PTPRM: variants seen among roughly 807,000 people sequenced by gnomAD.
The protein encoded by PTPRM is protein tyrosine phosphatase receptor type M, also known as receptor-type tyrosine-protein phosphatase mu.
A neutral mutation model predicts 186.7 loss-of-function variants in PTPRM; 47 were observed. The observed-to-expected ratio is 0.25, with a 90% confidence interval of 0.20 to 0.32. The LOEUF (loss-of-function observed/expected upper bound fraction) is 0.32, where lower values mean the gene tolerates loss of function less well. Among genes scored for constraint, PTPRM ranks in the 10% least tolerant of loss-of-function variants. The probability of loss-of-function intolerance (pLI) is 1.00; values close to 1 mark genes in which losing one functional copy is unlikely to be tolerated. For missense variants in PTPRM, 1,494 were observed against 1,865.0 expected (o/e 0.80, Z 3.66); for synonymous variants, 668 against 674.9 (o/e 0.99, Z 0.16).
chr18:8,000,933 G>A (rs1383784525), intron 7 of PTPRM, among the ~76,000 whole-genome samples: 1 of 152,194 alleles, frequency 6.6e-6, no homozygotes, highest in Non-Finnish European at 1.5e-5. Flanking sequence ...CATAGCAAAT[G>A]ACTTCCTGGC....
At chr18:7,627,648 G>A (rs1235063225) in intron 1 of PTPRM, among the ~76,000 whole-genome samples, 1 of 152,228 alleles carries the variant, frequency 6.6e-6, no homozygotes, top group African/African-American at 2.4e-5. Flanking sequence ...AAGGGAATGT[G>A]AAGATGAGAA....
At chr18:8,312,325 A>G (rs2095275361) in intron 20 of PTPRM, among the ~76,000 whole-genome samples, 1 of 152,132 alleles carries the variant, frequency 6.6e-6, no homozygotes, top group Non-Finnish European at 1.5e-5. Context: ...AGTGGAAAAC[A>G]TATACAGGGA....
chr18:8,090,702 T>C (rs562720560), intron 11 of PTPRM, among the ~76,000 whole-genome samples: 10 of 152,240 alleles, frequency 6.6e-5, no homozygotes, highest in Admixed American at 1.3e-4. Context: ...TTCAAGCGAT[T>C]TCTTCTATCT....
intron 1 of PTPRM, among the ~76,000 whole-genome samples, chr18:7,574,181 G>C (rs1337223185): frequency 6.6e-6 from 1 of 152,162 alleles, no homozygotes; most frequent in African/African-American, 2.4e-5. Context: ...TTAGCCTCTT[G>C]ATTAATACGG....
At chr18:7,618,743 G>A (rs974050061) in intron 1 of PTPRM, among the ~76,000 whole-genome samples, 7 of 152,166 alleles carry the variant, frequency 4.6e-5, no homozygotes, top group Admixed American at 3.3e-4. Context: ...TACAAAATAC[G>A]GTTCCTGGCT....
chr18:8,074,384 T>C (rs1196243316), intron 8 of PTPRM, among the ~76,000 whole-genome samples: 1 of 152,246 alleles, frequency 6.6e-6, no homozygotes, highest in Non-Finnish European at 1.5e-5. Context: ...AGTTTTTGAA[T>C]TAACATTTTT....
At chr18:7,799,446 C>T (rs2043839373) in intron 2 of PTPRM, among the ~76,000 whole-genome samples, 1 of 152,140 alleles carries the variant, frequency 6.6e-6, no homozygotes, top group African/African-American at 2.4e-5. Flanking sequence ...TTAAAGGGAA[C>T]TTGTCAAGTA....
At chr18:7,596,597 G>A (rs551001066) in intron 1 of PTPRM, among the ~76,000 whole-genome samples, 1 of 152,042 alleles carries the variant, frequency 6.6e-6, no homozygotes, top group Non-Finnish European at 1.5e-5. Context: ...TTCATCATAG[G>A]TATGTGCATA....
At chr18:8,168,101 A>C (rs1327890964) in intron 14 of PTPRM, among the ~76,000 whole-genome samples, 1 of 152,238 alleles carries the variant, frequency 6.6e-6, no homozygotes, top group Non-Finnish European at 1.5e-5. Context: ...TCTAGCGCTC[A>C]GTTAAAAATA....
chr18:7,684,435 G>T (rs1322821684), intron 1 of PTPRM, among the ~76,000 whole-genome samples: 1 of 152,086 alleles, frequency 6.6e-6, no homozygotes, highest in Non-Finnish European at 1.5e-5. Flanking sequence ...GTACAATATA[G>T]TACAGCAGAT....
intron 14 of PTPRM, among the ~76,000 whole-genome samples, chr18:8,240,671 AAG>A (rs1568584148): frequency 7.2e-5 from 6 of 83,244 alleles, no homozygotes; most frequent in Admixed American, 2.1e-4. Flanking sequence ...GAAAGAAAGA[AAG>A]AAAGAAAAAG....
chr18:8,203,524 G>A (rs79523480), intron 14 of PTPRM, among the ~76,000 whole-genome samples: 1 of 152,226 alleles, frequency 6.6e-6, no homozygotes, highest in South Asian at 2.1e-4. Flanking sequence ...AAGACATTGG[G>A]AAAATTTGGA....
intron 1 of PTPRM, among the ~76,000 whole-genome samples, chr18:7,590,107 CCT>C (rs1555635313): frequency 2.7e-4 from 41 of 152,216 alleles, no homozygotes; most frequent in South Asian, 1.7e-3. Context: ...ATGGGTTTCC[CCT>C]GAGTGAGTTC....
At chr18:7,874,549 C>CA (rs369374276) in intron 2 of PTPRM, among the ~76,000 whole-genome samples, 3,064 of 136,800 alleles carry the variant, frequency 0.022, 61 homozygotes, top group African/African-American at 0.054. Flanking sequence ...ATGCTAGAGG[C>CA]AAAAAAAAAA....
chr18:8,388,857 A>C (rs2095794196), intron 31 of PTPRM, among the ~76,000 whole-genome samples: 1 of 152,114 alleles, frequency 6.6e-6, no homozygotes. Context: ...GCTACTCGGG[A>C]GACTGAGGCA....
chr18:7,571,748 G>A (rs1037429623), intron 1 of PTPRM, among the ~76,000 whole-genome samples: 6 of 152,186 alleles, frequency 3.9e-5, no homozygotes, highest in African/African-American at 1.4e-4. Context: ...TTAGTTAGTA[G>A]TGTGGTACCA....
intron 19 of PTPRM, among the ~76,000 whole-genome samples, chr18:8,288,297 G>T (rs1488471895): frequency 6.6e-6 from 1 of 152,206 alleles, no homozygotes; most frequent in African/African-American, 2.4e-5. Context: ...AAATGCAGCT[G>T]AGAGCTTCAT....
chr18:8,058,182 A>C (rs1296004715), intron 7 of PTPRM, among the ~76,000 whole-genome samples: 14 of 115,818 alleles, frequency 1.2e-4, no homozygotes, highest in Admixed American at 1.8e-4. Flanking sequence ...AGTGGTTTTG[A>C]TTTGCATTTC....
At chr18:7,947,074 G>C (rs961302447) in intron 5 of PTPRM, 3 of 452,230 alleles carry the variant, frequency 6.6e-6, no homozygotes, top group South Asian at 4.7e-5. Context: ...TGTGCTTCAG[G>C]ATTAGCAAGC....
Sources: gnomAD v4.1 joint callset for allele counts (sites outside exome capture counted in the v4.1 genomes callset) on GRCh38, gnomAD v4.1.1 for gene constraint, MANE v1.5 for transcripts, NCBI Gene and HGNC (gene_info 2026-07-23, HGNC 2026-07-21) for gene names.